The following CSNK2A1 variants were observed in gnomAD, a reference collection of about 807,000 sequenced individuals.
CSNK2A1 encodes the protein casein kinase II subunit alpha.
A neutral mutation model predicts 62.9 loss-of-function variants in CSNK2A1; 10 were observed. That is an observed-to-expected ratio of 0.16 (90% CI 0.10 to 0.27). The LOEUF (loss-of-function observed/expected upper bound fraction) is 0.27. CSNK2A1 is among the 10% of genes least tolerant of loss of function. The pLI, the probability that CSNK2A1 is intolerant of heterozygous loss-of-function variation, is 1.00. For missense variants in CSNK2A1, 160 were observed against 492.0 expected, an observed-to-expected ratio of 0.33 and a Z score of 6.38; for synonymous variants, 124 against 167.8, an observed-to-expected ratio of 0.74 and a Z score of 2.02.
chr20:498,141 G>A (rs1334808850), intron 6 of CSNK2A1: 1 of 197,770 alleles, frequency 5.1e-6, no homozygotes, highest in Admixed American at 5.6e-5. Flanking sequence ...TCCTTAGTAG[G>A]GAACTAACTC....
At chr20:518,713 A>AT (rs10534951) in intron 2 of CSNK2A1, among the ~76,000 whole-genome samples, 21 of 120,936 alleles carry the variant, frequency 1.7e-4, no homozygotes, top group African/African-American at 6.2e-4. Flanking sequence ...CGCCCGGCTA[A>AT]TTTTTTTTTT....
At chr20:504,587 G>C (rs1228699919) in intron 4 of CSNK2A1, 1 of 152,614 alleles carries the variant, frequency 6.6e-6, no homozygotes, top group Non-Finnish European at 1.5e-5. Context: ...CAATGGACTT[G>C]CATTACTGCA....
At chr20:537,695 T>C (rs111689267) in intron 1 of CSNK2A1, among the ~76,000 whole-genome samples, 37 of 152,312 alleles carry the variant, frequency 2.4e-4, no homozygotes, top group African/African-American at 8.4e-4. Flanking sequence ...AATTATCCAT[T>C]TCAGAAGTTC....
At chr20:485,084 A>T (rs1600366898) in intron 13 of CSNK2A1, among the ~76,000 whole-genome samples, 5 of 38,150 alleles carry the variant, frequency 1.3e-4, no homozygotes, top group African/African-American at 4.9e-4. Flanking sequence ...AAAAAAAAAA[A>T]AAAAAAAAAA....
In CSNK2A1 at chr20:499,958, CAAAAA is replaced by C. The variant is rs199709718; in HGVS notation, c.214-29_214-25del. ...GGCTGAAAGGGGAAAAGTACATCAG[CAAAAA>C]AAAAAAAAAAAAATTTTTTCAGAGT... is the stretch of plus-strand genomic sequence containing the variant. On this transcript the variant is annotated intron_variant, in intron 4 of 13. Coordinates refer to ENST00000217244, the MANE Select transcript of CSNK2A1 (RefSeq NM_177559.3). This position sits in a 1 kb window ranked among gnomAD's most constrained non-coding sequence, Gnocchi z 4.2. 5.7e-5 allele frequency: 73 copies of C among 1,270,300 alleles called. No homozygotes were observed. The highest frequency in any genetic ancestry group is 7.0e-5 in the South Asian group (5 of 71,718). 78.7% of individuals were successfully genotyped at this position (1,270,300 alleles called of 1,614,324 possible). A position where few individuals can be genotyped will look rare whatever the true frequency, so the allele number is the denominator to read the frequency against.
In CSNK2A1 at chr20:495,738, A is replaced by G. The variant is rs2122531926; in HGVS notation, c.491T>C (p.Ile164Thr). 1.9e-6 allele frequency: 3 copies of G among 1,614,082 alleles called. No individual in the cohort carries two copies. Among genetic ancestry groups the G allele is most frequent in the Non-Finnish European group, 2.5e-6 (3 of 1,179,934 alleles). The change falls in exon 8 of 14, where the codon ATT (isoleucine) becomes ACT (threonine). Residue 164 changes from isoleucine (I) to threonine (T), a missense_variant. Physicochemically the swap from Ile to Thr is moderately conservative, Grantham distance 89. Around this residue, in one of 3 missense-constraint regions of CSNK2A1, gnomAD observed 94 missense variants for 357.6 expected, o/e 0.26. Transcript: ENST00000217244. ...CTTTACCTTTCTGTGCTCATGATCAATCATGACATTATGGGGCTTGACATC... is the reference window on the plus strand; with the variant it reads ...CTTTACCTTTCTGTGCTCATGATCAGTCATGACATTATGGGGCTTGACATC... ...HRDVKPHNVM[I>T]DHEHRKLRLI... is the part of the protein sequence containing the mutation.
intron 2 of CSNK2A1, among the ~76,000 whole-genome samples, chr20:524,708 CAAAAAAAAA>C (rs56228720): frequency 2.4e-5 from 2 of 83,174 alleles, no homozygotes; most frequent in Non-Finnish European, 4.5e-5. Context: ...GACTCCATCT[CAAAAAAAAA>C]AAAAAAAAAA....
At chr20:484,373 G>A (rs906722222) in intron 13 of CSNK2A1, among the ~76,000 whole-genome samples, 1 of 152,200 alleles carries the variant, frequency 6.6e-6, no homozygotes, top group East Asian at 1.9e-4. Context: ...CCTGTCTAGG[G>A]CAGAGATGTC....
At chr20:516,699 A>G (rs1185116213) in intron 2 of CSNK2A1, among the ~76,000 whole-genome samples, 1 of 152,208 alleles carries the variant, frequency 6.6e-6, no homozygotes, top group Non-Finnish European at 1.5e-5. Flanking sequence ...AACTATACAA[A>G]CAAGTTTGCT....
chr20:495,628 G>A (rs2018330482), intron 8 of CSNK2A1, 91 bp downstream of exon 8: 1 of 1,067,012 alleles, frequency 9.4e-7, no homozygotes, highest in Non-Finnish European at 1.5e-6. Flanking sequence ...ATAGGTACTA[G>A]GGCCTGTGAC....
chr20:508,522 T>A lies in CSNK2A1; in HGVS notation c.30A>T (p.Arg10Ser). The change falls in exon 3 of 14, where the codon AGA becomes AGT. Residue 10 changes from arginine to serine, a missense_variant. This residue lies in a region of CSNK2A1 where 15 missense variants were observed against 25.6 expected (regional missense o/e 0.59). Coordinates refer to ENST00000217244, the MANE Select transcript of CSNK2A1 (RefSeq NM_177559.3). ...TGTGTGTATTAACATCTGTGTAAACTCTGGCCCTGCTTGGCACGGGTCCCG... is the reference window on the plus strand; with the variant it reads ...TGTGTGTATTAACATCTGTGTAAACACTGGCCCTGCTTGGCACGGGTCCCG... MSGPVPSRA[R>S]VYTDVNTHRP... The A allele has an allele frequency of 1.2e-6, 2 of 1,614,094 alleles. No individual in the cohort carries two copies. Among genetic ancestry groups the A allele is most frequent in the East Asian group, 2.2e-5 (1 of 44,870 alleles).
chr20:483,056 G>C lies in CSNK2A1; in HGVS notation c.*905C>G, dbSNP rs2017985996. 1 of 152,170 alleles carries C rather than the reference G, an allele frequency of 6.6e-6. No homozygotes were observed. Among genetic ancestry groups the C allele is most frequent in the Non-Finnish European group, 1.5e-5 (1 of 68,026 alleles). The allele number at this position is 152,170 out of a possible 1,614,324, so 9.4% of individuals were successfully genotyped here. A position where few individuals can be genotyped will look rare whatever the true frequency, so the allele number is the denominator to read the frequency against. On this transcript the variant is annotated 3_prime_UTR_variant, in exon 14 of 14. Transcript: ENST00000217244. ...TGTACAGACAATGTTTGTTTCTTTT[G>C]TAAAAAGCAGTAAGTTATGCCCAGT...
Position 482,899 on chromosome 20 carries a change from T to C in CSNK2A1, c.*1062A>G, listed in dbSNP as rs2017982345. 6.6e-6 allele frequency: 1 copy of C among 152,572 alleles called. No individual in the cohort carries two copies. Among genetic ancestry groups the C allele is most frequent in the South Asian group, 2.1e-4 (1 of 4,828 alleles). The allele number at this position is 152,572 out of a possible 1,614,324, so 9.5% of individuals were successfully genotyped here. A position where few individuals can be genotyped will look rare whatever the true frequency, so the allele number is the denominator to read the frequency against. ...TCTGCTCCTACCTCTCAAGATACAT[T>C]TACAAGACTGAGGAGCAGGTCTTCT... On this transcript the variant is annotated 3_prime_UTR_variant, in exon 14 of 14. Coordinates refer to ENST00000217244, the MANE Select transcript of CSNK2A1 (RefSeq NM_177559.3).
intron 8 of CSNK2A1, 32 bp downstream of exon 8, chr20:495,687 G>C: frequency 1.3e-6 from 2 of 1,589,562 alleles, no homozygotes; most frequent in South Asian, 1.1e-5. Flanking sequence ...ACATCATGTA[G>C]ATAAATAACA....
At chr20:498,421 AC>A (rs2018390848) in intron 6 of CSNK2A1, 1 of 149,276 alleles carries the variant, frequency 6.7e-6, no homozygotes, top group Non-Finnish European at 1.5e-5. Context: ...ACTCACTGCA[AC>A]CTCAAACTCC....
chr20:507,756 G>T (rs943132986), intron 3 of CSNK2A1: 2 of 152,142 alleles, frequency 1.3e-5, no homozygotes, highest in Non-Finnish European at 2.9e-5. Context: ...CTTTATATAA[G>T]ACTTTGGTGT....
At chr20:507,835 G>T (rs2018636712) in intron 3 of CSNK2A1, 1 of 152,190 alleles carries the variant, frequency 6.6e-6, no homozygotes, top group Non-Finnish European at 1.5e-5. Context: ...CAAGCTGATA[G>T]GTAACTTTTT....
In CSNK2A1 at chr20:499,546, A is replaced by G; in HGVS notation, c.316-241T>C. The G allele has an allele frequency of 1.8e-6, 1 of 553,828 alleles. No homozygotes were observed. Among genetic ancestry groups the G allele is most frequent in the Non-Finnish European group, 3.1e-6 (1 of 317,518 alleles). The allele number at this position is 553,828 out of a possible 1,614,324, so 34.3% of individuals were successfully genotyped here. On this transcript the variant is annotated intron_variant, in intron 5 of 13. Coordinates refer to ENST00000217244, the MANE Select transcript of CSNK2A1 (RefSeq NM_177559.3). The surrounding 1 kb of genome is among the most constrained non-coding windows in gnomAD (Gnocchi z 4.2). ...TCACCAGGCTCTAGGCAGCCCGACA[A>G]TGCGCCCATCGCCCATCGGCATCGG...
intron 1 of CSNK2A1, among the ~76,000 whole-genome samples, chr20:542,630 AC>A (rs1321532798): frequency 2.0e-5 from 3 of 151,890 alleles, no homozygotes; most frequent in Non-Finnish European, 4.4e-5. Flanking sequence ...ACGGGGTTTC[AC>A]CGTGTTGGTC....
Sources: gnomAD v4.1 joint callset for allele counts (sites outside exome capture counted in the v4.1 genomes callset) on GRCh38, gnomAD v4.1.1 for gene constraint, gnomAD v4.1.1 regional missense constraint, Gnocchi (gnomAD v3.1) non-coding constraint, MANE v1.5 for transcripts, NCBI Gene and HGNC (gene_info 2026-07-23, HGNC 2026-07-21) for gene names.